The following SLC6A2 variants were observed in gnomAD, a reference collection of about 807,000 sequenced individuals.
SLC6A2 encodes sodium-dependent noradrenaline transporter.
In SLC6A2, 26 loss-of-function variants were observed where a neutral mutation model predicts 71.7. The ratio of observed to expected loss-of-function variants is 0.36; its 90% CI spans 0.27 to 0.50. The LOEUF (loss-of-function observed/expected upper bound fraction) is 0.50, where lower values mean the gene tolerates loss of function less well. SLC6A2 is among the 20% of genes least tolerant of loss of function. The pLI is 0.96. For synonymous variants in SLC6A2, 363 were observed against 337.9 expected, an observed-to-expected ratio of 1.07 and a Z score of -0.82; for missense variants, 581 against 803.9, an observed-to-expected ratio of 0.72 and a Z score of 3.35.
chr16:55,661,666 T>C (rs1332856410), intron 2 of SLC6A2, among the ~76,000 whole-genome samples: 6 of 152,168 alleles, frequency 3.9e-5, no homozygotes, highest in African/African-American at 1.2e-4. Context: ...AGCCCAAGCA[T>C]GATAGACTCA....
intron 4 of SLC6A2, among the ~76,000 whole-genome samples, chr16:55,682,529 T>G (rs1459904260): frequency 2.6e-5 from 4 of 152,180 alleles, no homozygotes; most frequent in African/African-American, 9.6e-5. Context: ...TCCTATGATC[T>G]CTCATGAGCT....
chr16:55,686,522 G>A (rs1965456951), intron 5 of SLC6A2, among the ~76,000 whole-genome samples: 1 of 152,152 alleles, frequency 6.6e-6, no homozygotes, highest in Non-Finnish European at 1.5e-5. Context: ...TGAGTTCATT[G>A]GGGGCCACAG....
At position 55,656,250 on chromosome 16, in the gene SLC6A2, G is replaced by A. The variant is rs1964443315; in HGVS notation, c.-52+81G>A. ...AGACGCGCCAGCAGAGGGCTAGCGA[G>A]TTTGTAGTGCAGTGACGTTAAGTGT... On this transcript the variant is annotated intron_variant, in intron 1 of 14. Transcript: ENST00000568943. This position sits in a 1 kb window ranked among gnomAD's most constrained non-coding sequence, Gnocchi z 4.5. 1.2e-5 allele frequency: 3 copies of A among 246,650 alleles called. No homozygotes were observed. The highest frequency in any genetic ancestry group is 1.0e-4 in the Admixed American group (2 of 19,276). 15.3% of individuals were successfully genotyped at this position (246,650 alleles called of 1,614,324 possible).
At chr16:55,671,770 T>A in intron 3 of SLC6A2, 168 bp from the exon 4 acceptor site, 3 of 1,409,344 alleles carry the variant, frequency 2.1e-6, no homozygotes, top group South Asian at 2.9e-5. Flanking sequence ...TGTGGAAAAA[T>A]TGTCTTCCAT....
chr16:55,683,647 C>T (rs1320333739), intron 4 of SLC6A2, among the ~76,000 whole-genome samples: 19 of 151,756 alleles, frequency 1.3e-4, no homozygotes, highest in Non-Finnish European at 2.6e-4. Flanking sequence ...CGAAACAAAA[C>T]AAAACAAAAG....
intron 2 of SLC6A2, among the ~76,000 whole-genome samples, chr16:55,668,864 G>A (rs1964824146): frequency 6.6e-6 from 1 of 152,080 alleles, no homozygotes; most frequent in Non-Finnish European, 1.5e-5. Flanking sequence ...GGACCTAGTG[G>A]GTCACAAGGC....
At chr16:55,675,789 A>C (rs1443501738) in intron 4 of SLC6A2, among the ~76,000 whole-genome samples, 2 of 151,400 alleles carry the variant, frequency 1.3e-5, no homozygotes, top group Non-Finnish European at 3.0e-5. Context: ...GAAAAAAAAA[A>C]CATATTCACA....
chr16:55,682,573 T>C (rs1221149734), intron 4 of SLC6A2, among the ~76,000 whole-genome samples: 1 of 152,240 alleles, frequency 6.6e-6, no homozygotes, highest in African/African-American at 2.4e-5. Context: ...GGCTTAGCAC[T>C]GGGGACCAGG....
At position 55,703,855 on chromosome 16, in the gene SLC6A2, G is replaced by C; in HGVS notation, c.*1509G>C. 1.0e-6 allele frequency: 1 copy of C among 973,816 alleles called. No individual in the cohort carries two copies. The highest frequency in any genetic ancestry group is 1.2e-6 in the Non-Finnish European group (1 of 819,436). The allele number at this position is 973,816 out of a possible 1,614,324, so 60.3% of individuals were successfully genotyped here. A position where few individuals can be genotyped will look rare whatever the true frequency, so the allele number is the denominator to read the frequency against. ...GGTTCCTGCATGAAGAGGATTATGA[G>C]GGGACCAGGGTGGGGCAGGGAGATG... On this transcript the variant is annotated 3_prime_UTR_variant, in exon 15 of 15. Transcript: ENST00000568943.
chr16:55,694,228 T>G, intron 7 of SLC6A2, 115 bp downstream of exon 7: 1 of 785,722 alleles, frequency 1.3e-6, no homozygotes, highest in African/African-American at 1.7e-5. Flanking sequence ...CCAAATTTTC[T>G]TCTTGTGAAC....
chr16:55,684,411 T>A (rs1965380662), intron 4 of SLC6A2, among the ~76,000 whole-genome samples: 1 of 152,228 alleles, frequency 6.6e-6, no homozygotes. Flanking sequence ...GGGGTTATTA[T>A]GAAATAATGC....
intron 9 of SLC6A2, 64 bp from the exon 10 acceptor site, chr16:55,697,833 G>A (rs975689889): frequency 1.9e-6 from 3 of 1,594,052 alleles, no homozygotes; most frequent in African/African-American, 2.7e-5. Flanking sequence ...GGAACCCTGG[G>A]GCCTGAGACT....
At chr16:55,668,186 C>G (rs1236693446) in intron 2 of SLC6A2, among the ~76,000 whole-genome samples, 1 of 152,190 alleles carries the variant, frequency 6.6e-6, no homozygotes, top group East Asian at 1.9e-4. Flanking sequence ...GGAGAGGCAC[C>G]CTGAGAAACA....
chr16:55,687,163 A>G (rs1052821237), intron 5 of SLC6A2, among the ~76,000 whole-genome samples: 9 of 152,300 alleles, frequency 5.9e-5, no homozygotes, highest in African/African-American at 2.2e-4. Flanking sequence ...GTCACAAACT[A>G]TGTGCACTAT....
chr16:55,696,799 T>C (rs1965813193), intron 9 of SLC6A2, among the ~76,000 whole-genome samples: 1 of 152,220 alleles, frequency 6.6e-6, no homozygotes, highest in South Asian at 2.1e-4. Context: ...CTGGGCAACA[T>C]AGGGAGACCC....
intron 14 of SLC6A2, 87 bp from the exon 15 acceptor site, chr16:55,702,236 T>C: frequency 7.6e-7 from 1 of 1,314,974 alleles, no homozygotes; most frequent in South Asian, 1.2e-5. Flanking sequence ...TTCTGCCTTC[T>C]CTCTACCTCC....
Position 55,656,609 on chromosome 16 carries a change from C to T in SLC6A2, c.-51-35C>T. On this transcript the variant is annotated intron_variant, in intron 1 of 14. Transcript: ENST00000568943. The surrounding 1 kb of genome is among the most constrained non-coding windows in gnomAD (Gnocchi z 4.5). ...GGGAGTTGCAAGTAGGGAGGAACGG[C>T]CGGGTAACCACCTCTTTTCCCTTTA... is the stretch of plus-strand genomic sequence containing the variant. 6.4e-7 allele frequency: 1 copy of T among 1,567,086 alleles called. No homozygotes were observed. The highest frequency in any genetic ancestry group is 2.3e-4 in the Middle Eastern group (1 of 4,358).
In SLC6A2 at chr16:55,693,161, C is replaced by A. The variant is rs372408011; in HGVS notation, c.919-849C>A. ...CAGCACTTTGGGAGGCTGAGGCGGG[C>A]GGATCACTTGAGGTCAGGAGTTCAA... is the stretch of plus-strand genomic sequence containing the variant. On this transcript the variant is annotated intron_variant, in intron 6 of 14. Coordinates refer to ENST00000568943, the MANE Select transcript of SLC6A2 (RefSeq NM_001172501.3). Among the ~76,000 whole-genome samples the A allele has an allele frequency of 4.9e-4, 75 of 152,168 alleles. No individual in the cohort carries two copies. In the East Asian group the frequency reaches 8.3e-3, roughly 17 times the overall value.
chr16:55,696,008 C>T (rs1313233320), intron 8 of SLC6A2, among the ~76,000 whole-genome samples: 2 of 152,148 alleles, frequency 1.3e-5, no homozygotes, highest in Non-Finnish European at 2.9e-5. Flanking sequence ...CTGTAGCTGT[C>T]CAGGCAGGGA....
Sources: gnomAD v4.1 joint callset for allele counts (sites outside exome capture counted in the v4.1 genomes callset) on GRCh38, gnomAD v4.1.1 for gene constraint, Gnocchi (gnomAD v3.1) non-coding constraint, MANE v1.5 for transcripts, NCBI Gene and HGNC (gene_info 2026-07-23, HGNC 2026-07-21) for gene names.